POLR3B: variants seen among roughly 807,000 people sequenced by gnomAD.
POLR3B encodes the protein DNA-directed RNA polymerase III subunit RPC2.
POLR3B carries 96 observed loss-of-function variants against 147.4 expected under a neutral mutation model. The ratio of observed to expected loss-of-function variants is 0.65; its 90% CI spans 0.55 to 0.77. The LOEUF is 0.77. POLR3B is among the 30% of genes least tolerant of loss of function. POLR3B has a pLI of 0.00. For missense variants in POLR3B, 1,036 were observed against 1,413.5 expected (o/e 0.73, Z 4.28); for synonymous variants, 461 against 485.9 (o/e 0.95, Z 0.67).
chr12:106,360,267 A>T (rs1010800746), intron 1 of POLR3B, among the ~76,000 whole-genome samples: 1 of 152,144 alleles, frequency 6.6e-6, no homozygotes, highest in East Asian at 1.9e-4. Context: ...ATCTCTGCCT[A>T]TTGCTCTTAG....
At chr12:106,360,274 T>G (rs1201595879) in intron 1 of POLR3B, among the ~76,000 whole-genome samples, 2 of 152,208 alleles carry the variant, frequency 1.3e-5, no homozygotes, top group African/African-American at 4.8e-5. Context: ...CCTATTGCTC[T>G]TAGGGCAAAA....
chr12:106,409,333 C>T (rs1036297691), intron 11 of POLR3B, among the ~76,000 whole-genome samples: 5 of 121,980 alleles, frequency 4.1e-5, no homozygotes, highest in African/African-American at 6.8e-5. Flanking sequence ...ACTGGTGTTA[C>T]GATTGTAAGA....
At chr12:106,383,400 AC>A (rs1274741172) in intron 9 of POLR3B, among the ~76,000 whole-genome samples, 2 of 152,110 alleles carry the variant, frequency 1.3e-5, no homozygotes, top group Non-Finnish European at 2.9e-5. Context: ...AGCTTTTGAC[AC>A]GCCTTCCTTT....
chr12:106,415,786 A>T (rs541201841), intron 12 of POLR3B, among the ~76,000 whole-genome samples: 3 of 152,248 alleles, frequency 2.0e-5, no homozygotes, highest in South Asian at 4.1e-4. Context: ...GTAAACATTT[A>T]AAAAAATAGC....
At chr12:106,389,969 A>G (rs923949678) in intron 9 of POLR3B, among the ~76,000 whole-genome samples, 5 of 152,206 alleles carry the variant, frequency 3.3e-5, no homozygotes, top group African/African-American at 1.2e-4. Context: ...CTGTAATCCC[A>G]GCACTTTGGG....
chr12:106,509,081 A>G (rs2038734340), intron 27 of POLR3B, among the ~76,000 whole-genome samples: 6 of 152,212 alleles, frequency 3.9e-5, no homozygotes, highest in Admixed American at 3.9e-4. Flanking sequence ...TAAATTTCCC[A>G]ATGGTTCAGA....
chr12:106,414,037 A>G (rs1410516888), intron 12 of POLR3B, among the ~76,000 whole-genome samples: 1 of 151,448 alleles, frequency 6.6e-6, no homozygotes, highest in African/African-American at 2.4e-5. Flanking sequence ...TTATTTCTTC[A>G]TAGATTTACA....
chr12:106,454,505 C>T lies in POLR3B; in HGVS notation c.2087C>T (p.Thr696Ile). 8 of 1,511,244 alleles carry T rather than the reference C, an allele frequency of 5.3e-6. No individual in the cohort carries two copies. The highest frequency in any genetic ancestry group is 6.4e-6 in the Non-Finnish European group (7 of 1,086,456). The allele number at this position is 1,511,244 out of a possible 1,614,324, so 93.6% of individuals were successfully genotyped here. A position where few individuals can be genotyped will look rare whatever the true frequency, so the allele number is the denominator to read the frequency against. ...QCAMGKQAMG[T>I]IGYNQRNRID... is the part of the protein sequence containing the mutation. ...GTTTTCTCCCATATCAATGCAGGTA[C>T]TATAGGATACAACCAGCGAAACAGA... The change falls in exon 20 of 28, where the codon ACT (threonine) becomes ATT (isoleucine). Residue 696 changes from threonine to isoleucine, a missense_variant. This residue lies in a region of POLR3B where 202 missense variants were observed against 272.8 expected (regional missense o/e 0.74). Coordinates refer to ENST00000228347, the MANE Select transcript of POLR3B (RefSeq NM_018082.6).
chr12:106,477,823 TCTG>T (rs1024453405), intron 23 of POLR3B, among the ~76,000 whole-genome samples: 1 of 151,280 alleles, frequency 6.6e-6, no homozygotes, highest in Admixed American at 6.6e-5. Context: ...TCACCCGTCT[TCTG>T]CGTCGCTCAC....
chr12:106,476,263 A>T (rs369054006), intron 23 of POLR3B, among the ~76,000 whole-genome samples: 2 of 56,536 alleles, frequency 3.5e-5, no homozygotes, highest in South Asian at 6.7e-4. Flanking sequence ...CTTCCCTTTG[A>T]GGGTAACCCG....
chr12:106,442,909 C>T (rs1593044074), intron 18 of POLR3B, among the ~76,000 whole-genome samples: 1 of 151,914 alleles, frequency 6.6e-6, no homozygotes, highest in Non-Finnish European at 1.5e-5. Flanking sequence ...ATCATTTGGC[C>T]AAAAAACTGA....
chr12:106,447,928 C>T (rs967105249), intron 19 of POLR3B, among the ~76,000 whole-genome samples: 4 of 152,096 alleles, frequency 2.6e-5, no homozygotes, highest in Admixed American at 6.5e-5. Context: ...CTTTATGTTC[C>T]GCACTTTACA....
chr12:106,479,750 CT>C (rs1384254964), intron 23 of POLR3B, among the ~76,000 whole-genome samples: 2 of 147,998 alleles, frequency 1.4e-5, no homozygotes, highest in Non-Finnish European at 3.0e-5. Flanking sequence ...TTTGGTTTTT[CT>C]TTTTTTCTTT....
chr12:106,365,284 T>G (rs1384313077), intron 2 of POLR3B, among the ~76,000 whole-genome samples: 1 of 151,988 alleles, frequency 6.6e-6, no homozygotes, highest in African/African-American at 2.4e-5. Context: ...GAAAGCCGTG[T>G]TAAGGATTTG....
intron 23 of POLR3B, among the ~76,000 whole-genome samples, chr12:106,477,760 G>A (rs910715107): frequency 6.6e-6 from 1 of 152,052 alleles, no homozygotes; most frequent in Non-Finnish European, 1.5e-5. Flanking sequence ...TGCGCCCACT[G>A]TCTGGCACTC....
intron 13 of POLR3B, among the ~76,000 whole-genome samples, chr12:106,429,564 A>G (rs1017125883): frequency 1.3e-5 from 2 of 152,138 alleles, no homozygotes; most frequent in Non-Finnish European, 2.9e-5. Flanking sequence ...AATTAATACA[A>G]TTATAAAATA....
At chr12:106,463,159 G>A (rs2037962934) in intron 22 of POLR3B, among the ~76,000 whole-genome samples, 1 of 152,174 alleles carries the variant, frequency 6.6e-6, no homozygotes, top group South Asian at 2.1e-4. Flanking sequence ...GTTCCACTTT[G>A]TGTGAGTCAT....
At chr12:106,382,178 G>T (rs1054058947) in intron 9 of POLR3B, 5 of 152,488 alleles carry the variant, frequency 3.3e-5, no homozygotes, top group African/African-American at 1.2e-4. Context: ...GTAGGTCTCA[G>T]CCTTATTTTA....
chr12:106,434,917 G>A (rs914809584), intron 16 of POLR3B, among the ~76,000 whole-genome samples: 1 of 152,232 alleles, frequency 6.6e-6, no homozygotes, highest in South Asian at 2.1e-4. Context: ...TGACCCAAAT[G>A]AGGTCAGTCA....
Sources: allele counts gnomAD v4.1 joint callset (sites outside exome capture counted in the v4.1 genomes callset), GRCh38; gene constraint gnomAD v4.1.1; regional missense constraint gnomAD v4.1.1; transcripts MANE v1.5; gene names NCBI Gene and HGNC (gene_info 2026-07-23, HGNC 2026-07-21).